The following CMIP variants were observed in gnomAD, a reference collection of about 807,000 sequenced individuals.
CMIP encodes the protein c-Maf inducing protein, also known as C-Maf-inducing protein.
CMIP carries 13 observed loss-of-function variants against 97.3 expected under a neutral mutation model. That is an observed-to-expected ratio of 0.13 (90% CI 0.09 to 0.21). The LOEUF (loss-of-function observed/expected upper bound fraction) is 0.21, where lower values mean the gene tolerates loss of function less well. Ranked by LOEUF, CMIP falls within the 10% of genes least tolerant of loss-of-function variation. CMIP has a pLI of 1.00. For synonymous variants in CMIP, 538 were observed against 436.3 expected, an observed-to-expected ratio of 1.23 and a Z score of -2.91; for missense variants, 847 against 1,024.9, an observed-to-expected ratio of 0.83 and a Z score of 2.37.
chr16:81,487,322 C>T (rs929592255), intron 1 of CMIP, among the ~76,000 whole-genome samples: 70 of 152,330 alleles, frequency 4.6e-4, no homozygotes, highest in African/African-American at 1.5e-3. Flanking sequence ...CGAGCTGGCA[C>T]CTGGATTCCT....
chr16:81,559,793 A>G (rs1375628387), intron 1 of CMIP, among the ~76,000 whole-genome samples: 1 of 152,132 alleles, frequency 6.6e-6, no homozygotes, highest in Non-Finnish European at 1.5e-5. Flanking sequence ...TACTCCTTCT[A>G]GTTATAAAAA....
intron 3 of CMIP, among the ~76,000 whole-genome samples, chr16:81,644,469 C>A (rs867831047): frequency 6.6e-6 from 1 of 152,070 alleles, no homozygotes; most frequent in African/African-American, 2.4e-5. Context: ...GAAGACTTGG[C>A]GGCCAAAAGG....
At chr16:81,707,850 C>T (rs1395520344) in intron 20 of CMIP, among the ~76,000 whole-genome samples, 1 of 152,188 alleles carries the variant, frequency 6.6e-6, no homozygotes, top group African/African-American at 2.4e-5. Context: ...AAGGGCTGGG[C>T]TCAAAGGTGA....
chr16:81,626,303 AT>A (rs1788302478), intron 3 of CMIP, among the ~76,000 whole-genome samples: 1 of 150,958 alleles, frequency 6.6e-6, no homozygotes, highest in African/African-American at 2.4e-5. Flanking sequence ...TGGGGTGACT[AT>A]TTTATGAGTG....
At chr16:81,667,799 AGTGTGTGTGTGTGTGTGT>A (rs71146027) in intron 7 of CMIP, among the ~76,000 whole-genome samples, 1 of 58,136 alleles carries the variant, frequency 1.7e-5, no homozygotes, top group Admixed American at 2.1e-4. Flanking sequence ...AGAGAGAGAG[AGTGTGTGTGTGTGTGTGT>A]GTGTGTGTGT....
chr16:81,657,340 C>T (rs1397259397), intron 4 of CMIP, among the ~76,000 whole-genome samples: 1 of 152,182 alleles, frequency 6.6e-6, no homozygotes, highest in African/African-American at 2.4e-5. Context: ...TAAAAGGCTG[C>T]CTGGCACAGA....
chr16:81,663,198 G>T lies in CMIP; in HGVS notation c.745-1071G>T, dbSNP rs1322037456. Among the ~76,000 whole-genome samples, 3 of 151,822 alleles carry T rather than the reference G, an allele frequency of 2.0e-5. No homozygotes were observed. In the East Asian group the frequency reaches 5.8e-4, roughly 29 times the overall value. On this transcript the variant is annotated intron_variant, in intron 6 of 20. Transcript: ENST00000537098. ...CAAACATCTACATGCCGACGTTACA[G>T]CAGCTGTATTCATGACTACCAGAAC... is the stretch of plus-strand genomic sequence containing the variant.
intron 1 of CMIP, among the ~76,000 whole-genome samples, chr16:81,583,968 A>T (rs2091339157): frequency 6.6e-6 from 1 of 152,160 alleles, no homozygotes; most frequent in African/African-American, 2.4e-5. Flanking sequence ...AATATTCCAG[A>T]AGAAAAATAA....
intron 9 of CMIP, among the ~76,000 whole-genome samples, chr16:81,677,749 G>A (rs560790732): frequency 7.2e-5 from 11 of 152,288 alleles, no homozygotes; most frequent in African/African-American, 1.9e-4. Flanking sequence ...TGGGGGTTCC[G>A]CAGACAGAAG....
At chr16:81,462,702 A>G (rs1237857416) in intron 1 of CMIP, among the ~76,000 whole-genome samples, 1 of 152,140 alleles carries the variant, frequency 6.6e-6, no homozygotes, top group Non-Finnish European at 1.5e-5. Context: ...TCTTGCCCCT[A>G]AAATGTTTGT....
At chr16:81,687,725 T>C (rs1018774795) in intron 10 of CMIP, among the ~76,000 whole-genome samples, 1 of 152,208 alleles carries the variant, frequency 6.6e-6, no homozygotes, top group African/African-American at 2.4e-5. Context: ...GTACTCAGAC[T>C]GAGACGCCGG....
chr16:81,577,503 C>A (rs895168691), intron 1 of CMIP, among the ~76,000 whole-genome samples: 2 of 144,530 alleles, frequency 1.4e-5, no homozygotes, highest in South Asian at 2.1e-4. Context: ...TCACCATCAT[C>A]ACCATCACCT....
At chr16:81,480,734 G>A (rs1057082835) in intron 1 of CMIP, among the ~76,000 whole-genome samples, 3 of 152,140 alleles carry the variant, frequency 2.0e-5, no homozygotes, top group Admixed American at 6.5e-5. Context: ...ACTGATTCAC[G>A]TTCTCTCATT....
intron 7 of CMIP, chr16:81,664,851 T>A: frequency 5.1e-6 from 1 of 194,710 alleles, no homozygotes; most frequent in Non-Finnish European, 1.0e-5. Flanking sequence ...ATAGGACGTA[T>A]AAAAACGACA....
At chr16:81,488,959 C>A (rs564077331) in intron 1 of CMIP, among the ~76,000 whole-genome samples, 2 of 141,222 alleles carry the variant, frequency 1.4e-5, no homozygotes, top group South Asian at 4.6e-4. Flanking sequence ...TTCATTCATG[C>A]TTCATTCTTT....
At chr16:81,662,617 C>CT (rs2092559709) in intron 6 of CMIP, among the ~76,000 whole-genome samples, 1 of 152,184 alleles carries the variant, frequency 6.6e-6, no homozygotes, top group Admixed American at 6.5e-5. Context: ...ATTCCAAGAT[C>CT]TGAGGAAAGT....
chr16:81,641,120 T>C (rs1162209197), intron 3 of CMIP, among the ~76,000 whole-genome samples: 1 of 152,102 alleles, frequency 6.6e-6, no homozygotes, highest in Non-Finnish European at 1.5e-5. Flanking sequence ...CTCGCCCAGC[T>C]CTGCTGAGCT....
chr16:81,537,252 A>G lies in CMIP; in HGVS notation c.301-70315A>G, dbSNP rs759371378. On this transcript the variant is annotated intron_variant, in intron 1 of 20. Coordinates refer to ENST00000537098, the MANE Select transcript of CMIP (RefSeq NM_198390.3). ...AAAGTTGGATAGAAACGCCCCATAT[A>G]GGCTGGGGGCGGTGGCTCACACCTG... is the stretch of plus-strand genomic sequence containing the variant. Among the ~76,000 whole-genome samples the G allele has an allele frequency of 1.7e-3, 264 of 152,212 alleles. 2 individuals carry two copies. The highest frequency in any genetic ancestry group is 3.4e-3 in the Middle Eastern group (1 of 294).
At chr16:81,645,947 C>T (rs181698724) in intron 3 of CMIP, among the ~76,000 whole-genome samples, 148 of 152,230 alleles carry the variant, frequency 9.7e-4, no homozygotes, top group African/African-American at 3.2e-3. Flanking sequence ...TCATGAGCAC[C>T]GGGGCTTGTC....
Sources: gnomAD v4.1 joint callset for allele counts (sites outside exome capture counted in the v4.1 genomes callset) on GRCh38, gnomAD v4.1.1 for gene constraint, MANE v1.5 for transcripts, NCBI Gene and HGNC (gene_info 2026-07-23, HGNC 2026-07-21) for gene names.